PMM2: variants seen among roughly 807,000 people sequenced by gnomAD.
The protein encoded by PMM2 is mannose-6-phosphate isomerase.
PMM2 carries 35 observed loss-of-function variants against 33.2 expected under a neutral mutation model. That is an observed-to-expected ratio of 1.06 (90% CI 0.81 to 1.40). The LOEUF is 1.40. Ranked by LOEUF, PMM2 falls within the 40% of genes most tolerant of loss-of-function variation. PMM2 has a pLI of 0.00. For missense variants in PMM2, 386 were observed against 306.0 expected, an observed-to-expected ratio of 1.26 and a Z score of -1.95; for synonymous variants, 153 against 114.7, an observed-to-expected ratio of 1.33 and a Z score of -2.13.
Position 8,839,497 on chromosome 16 carries a change from A to C in PMM2, c.640-8227A>C, listed in dbSNP as rs539097843. On this transcript the variant is annotated intron_variant, in intron 7 of 7. Coordinates refer to ENST00000268261, the MANE Select transcript of PMM2 (RefSeq NM_000303.3). ...GTATGAGAAAACGTTGAGTATCTAC[A>C]AGCAACCTTTCACTATTATTTTCGG... Among the ~76,000 whole-genome samples the C allele has an allele frequency of 1.3e-4, 20 of 152,148 alleles. No individual in the cohort carries two copies. The East Asian group carries it at 3.9e-3, about 29-fold the overall frequency.
chr16:8,832,580 G>C, intron 7 of PMM2: 2 of 985,306 alleles, frequency 2.0e-6, no homozygotes, highest in Non-Finnish European at 2.4e-6. Flanking sequence ...TTTGCTTCAG[G>C]GGTCTCTTCC....
At chr16:8,816,838 T>A (rs1412199688) in intron 7 of PMM2, among the ~76,000 whole-genome samples, 1 of 152,218 alleles carries the variant, frequency 6.6e-6, no homozygotes, top group Non-Finnish European at 1.5e-5. Context: ...GATGGAAAAC[T>A]ACATAGTGGT....
intron 7 of PMM2, among the ~76,000 whole-genome samples, chr16:8,819,527 A>G (rs2141028549): frequency 6.6e-6 from 1 of 152,204 alleles, no homozygotes; most frequent in East Asian, 1.9e-4. Context: ...CTATTGAAAA[A>G]TAAAATTTTT....
chr16:8,847,648 T>C (rs2060935928), intron 7 of PMM2, 76 bp from the exon 8 acceptor site: 3 of 1,074,356 alleles, frequency 2.8e-6, no homozygotes, highest in Non-Finnish European at 4.3e-6. Context: ...TGGGTACTTT[T>C]GGACTCCAGG....
chr16:8,813,665 A>T (rs2060690493), intron 7 of PMM2, among the ~76,000 whole-genome samples: 1 of 152,018 alleles, frequency 6.6e-6, no homozygotes, highest in African/African-American at 2.4e-5. Context: ...GCCAAATCTA[A>T]ACTGAGAACT....
intron 7 of PMM2, chr16:8,832,677 C>G: frequency 1.0e-6 from 1 of 985,438 alleles, no homozygotes; most frequent in Non-Finnish European, 1.2e-6. Flanking sequence ...CACCCCGCAC[C>G]CGTTCTCCAG....
At chr16:8,801,936 C>T (rs763722127) in intron 2 of PMM2, 26 bp downstream of exon 2, 2 of 1,424,702 alleles carry the variant, frequency 1.4e-6, no homozygotes, top group Non-Finnish European at 2.0e-6. Flanking sequence ...CTAATTACAT[C>T]TGGTAAAAGA....
chr16:8,826,614 A>G (rs980740908), intron 7 of PMM2, among the ~76,000 whole-genome samples: 1 of 152,164 alleles, frequency 6.6e-6, no homozygotes, highest in Non-Finnish European at 1.5e-5. Flanking sequence ...TTATTTACCA[A>G]AGATTACTAA....
At chr16:8,832,690 A>T (rs1171468982) in intron 7 of PMM2, 1 of 985,332 alleles carries the variant, frequency 1.0e-6, no homozygotes, top group African/African-American at 1.7e-5. Context: ...TTCTCCAGAA[A>T]GATCCTGTTG....
chr16:8,819,079 T>C (rs1231445110), intron 7 of PMM2, among the ~76,000 whole-genome samples: 2 of 152,216 alleles, frequency 1.3e-5, no homozygotes, highest in African/African-American at 4.8e-5. Flanking sequence ...ATCAAGCAGC[T>C]GGTTTGGTTT....
chr16:8,839,881 G>T (rs59729211), intron 7 of PMM2, among the ~76,000 whole-genome samples: 127,807 of 137,916 alleles, frequency 0.93, 59,541 homozygotes, highest in East Asian at 0.97. Context: ...GGAGAAAGGA[G>T]AAAGGAGAAA....
At chr16:8,844,382 G>A (rs150480942) in intron 7 of PMM2, among the ~76,000 whole-genome samples, 3,918 of 152,120 alleles carry the variant, frequency 0.026, 171 homozygotes, top group African/African-American at 0.089. Flanking sequence ...AGGGGTTGGG[G>A]CATGGAAATA....
chr16:8,832,828 G>A (rs992751851), intron 7 of PMM2: 1 of 985,294 alleles, frequency 1.0e-6, no homozygotes, highest in African/African-American at 1.7e-5. Flanking sequence ...TCCCTCTTCA[G>A]CGTCTTCTCT....
At chr16:8,812,142 G>T (rs2060681256) in intron 6 of PMM2, among the ~76,000 whole-genome samples, 1 of 152,156 alleles carries the variant, frequency 6.6e-6, no homozygotes. Flanking sequence ...CAACAGCAAG[G>T]AACCTTAGGG....
chr16:8,841,723 T>C (rs1191406610), intron 7 of PMM2, among the ~76,000 whole-genome samples: 1 of 113,770 alleles, frequency 8.8e-6, no homozygotes, highest in Admixed American at 8.7e-5. Flanking sequence ...GAAGGAAATA[T>C]GGGGAAATGG....
intron 7 of PMM2, among the ~76,000 whole-genome samples, chr16:8,838,208 C>G (rs1443957616): frequency 6.6e-6 from 1 of 151,988 alleles, no homozygotes; most frequent in East Asian, 1.9e-4. Context: ...AAAGAACCTT[C>G]TTAAGGGTGG....
intron 7 of PMM2, chr16:8,832,860 C>T: frequency 1.0e-6 from 1 of 985,458 alleles, no homozygotes; most frequent in South Asian, 4.7e-5. Flanking sequence ...GGCCTGTGCC[C>T]TCACGTCCCT....
chr16:8,803,823 A>G (rs543398417), intron 2 of PMM2, among the ~76,000 whole-genome samples: 1 of 151,308 alleles, frequency 6.6e-6, no homozygotes, highest in Admixed American at 6.6e-5. Flanking sequence ...AGCTGGGACT[A>G]CAGGCGCCCA....
chr16:8,846,247 C>A (rs79692782), intron 7 of PMM2, among the ~76,000 whole-genome samples: 1 of 152,190 alleles, frequency 6.6e-6, no homozygotes, highest in Non-Finnish European at 1.5e-5. Flanking sequence ...TGAAAACACT[C>A]ATTTCCAGAG....
Sources: gnomAD v4.1 joint callset for allele counts (sites outside exome capture counted in the v4.1 genomes callset) on GRCh38, gnomAD v4.1.1 for gene constraint, MANE v1.5 for transcripts, NCBI Gene and HGNC (gene_info 2026-07-23, HGNC 2026-07-21) for gene names.